KCNB2: variants seen among roughly 807,000 people sequenced by gnomAD.
KCNB2 encodes the protein potassium voltage-gated channel subfamily B member 2, also known as delayed rectifier potassium channel protein.
KCNB2 carries 15 observed loss-of-function variants against 61.5 expected under a neutral mutation model. The observed-to-expected ratio is 0.24, with a 90% CI of 0.16 to 0.38. The LOEUF (loss-of-function observed/expected upper bound fraction) is 0.38, where lower values mean the gene tolerates loss of function less well. Among genes scored for constraint, KCNB2 ranks in the 10% least tolerant of loss-of-function variants. KCNB2 has a pLI of 1.00. For synonymous variants in KCNB2, 457 were observed against 446.0 expected, an observed-to-expected ratio of 1.02 and a Z score of -0.31; for missense variants, 828 against 1,125.2, an observed-to-expected ratio of 0.74 and a Z score of 3.78.
intron 2 of KCNB2, among the ~76,000 whole-genome samples, chr8:72,623,491 A>T (rs1037499246): frequency 6.6e-6 from 1 of 152,176 alleles, no homozygotes; most frequent in African/African-American, 2.4e-5. Context: ...GTTTGTTCTG[A>T]TAGAAGACTT....
chr8:72,615,292 T>G (rs755790743), intron 2 of KCNB2, among the ~76,000 whole-genome samples: 3 of 152,214 alleles, frequency 2.0e-5, no homozygotes, highest in Non-Finnish European at 4.4e-5. Flanking sequence ...AGATGTTGTG[T>G]GTGAAAGCAC....
chr8:72,650,409 G>T (rs1171155203), intron 2 of KCNB2, among the ~76,000 whole-genome samples: 2 of 152,114 alleles, frequency 1.3e-5, no homozygotes, highest in Non-Finnish European at 2.9e-5. Context: ...AAAAGAGACA[G>T]GAAATGACAT....
intron 2 of KCNB2, among the ~76,000 whole-genome samples, chr8:72,687,899 T>C (rs1806877178): frequency 6.6e-6 from 1 of 152,156 alleles, no homozygotes; most frequent in Non-Finnish European, 1.5e-5. Context: ...TCTCTCAGCC[T>C]AGGCAAAAGC....
intron 2 of KCNB2, among the ~76,000 whole-genome samples, chr8:72,645,762 A>G (rs891895449): frequency 3.6e-4 from 55 of 152,142 alleles, no homozygotes; most frequent in Non-Finnish European, 1.2e-4. Flanking sequence ...TTAGGATGAA[A>G]CTTCAAATGG....
At chr8:72,553,764 T>C (rs1380600152) in intron 1 of KCNB2, among the ~76,000 whole-genome samples, 2 of 152,168 alleles carry the variant, frequency 1.3e-5, no homozygotes, top group African/African-American at 2.4e-5. Flanking sequence ...TAAACATCTA[T>C]ATGAAGCTAA....
intron 2 of KCNB2, among the ~76,000 whole-genome samples, chr8:72,666,465 T>C (rs927691554): frequency 6.6e-6 from 1 of 152,200 alleles, no homozygotes; most frequent in African/African-American, 2.4e-5. Flanking sequence ...CACTTTTGAG[T>C]ACATTATCAA....
At chr8:72,881,643 AG>A (rs1198003021) in intron 2 of KCNB2, 10 of 150,256 alleles carry the variant, frequency 6.7e-5, no homozygotes, top group Non-Finnish European at 1.3e-4. Context: ...TAGACAGAAA[AG>A]TACTATCAGA....
At chr8:72,781,624 T>C (rs1808756494) in intron 2 of KCNB2, among the ~76,000 whole-genome samples, 1 of 152,202 alleles carries the variant, frequency 6.6e-6, no homozygotes, top group Admixed American at 6.5e-5. Context: ...CCTTGTAGTA[T>C]AGTTTGAAGT....
At chr8:72,574,884 C>A (rs1019721718) in intron 2 of KCNB2, among the ~76,000 whole-genome samples, 1 of 151,910 alleles carries the variant, frequency 6.6e-6, no homozygotes, top group East Asian at 1.9e-4. Flanking sequence ...TTTAGGTAAG[C>A]GTAAGTGTTA....
intron 2 of KCNB2, among the ~76,000 whole-genome samples, chr8:72,852,018 T>C (rs994497003): frequency 1.3e-5 from 2 of 151,760 alleles, no homozygotes; most frequent in African/African-American, 4.8e-5. Context: ...GGTGATCACT[T>C]GAGCCCAGGA....
chr8:72,883,840 T>C (rs982111131), intron 2 of KCNB2, among the ~76,000 whole-genome samples: 2 of 152,218 alleles, frequency 1.3e-5, no homozygotes, highest in Non-Finnish European at 2.9e-5. Context: ...TTGATGGACA[T>C]ATAAATTGTT....
intron 2 of KCNB2, among the ~76,000 whole-genome samples, chr8:72,686,350 T>C (rs935251192): frequency 6.6e-6 from 1 of 152,096 alleles, no homozygotes; most frequent in Non-Finnish European, 1.5e-5. Flanking sequence ...TCATCCTTTT[T>C]TGGATATTTT....
intron 2 of KCNB2, among the ~76,000 whole-genome samples, chr8:72,579,226 A>G (rs1468863064): frequency 6.6e-6 from 1 of 152,160 alleles, no homozygotes; most frequent in Admixed American, 6.5e-5. Flanking sequence ...TGTTTGGGTT[A>G]TACTTTACTG....
intron 2 of KCNB2, among the ~76,000 whole-genome samples, chr8:72,598,637 A>T (rs1444638273): frequency 6.6e-6 from 1 of 152,216 alleles, no homozygotes; most frequent in Non-Finnish European, 1.5e-5. Context: ...AGGGCATTCA[A>T]TTAGGAAAAG....
intron 2 of KCNB2, among the ~76,000 whole-genome samples, chr8:72,648,126 T>A (rs1403177399): frequency 6.6e-6 from 1 of 152,190 alleles, no homozygotes; most frequent in African/African-American, 2.4e-5. Flanking sequence ...CTTCTCCTAG[T>A]GCAGAGGTGT....
chr8:72,647,957 A>G (rs1217475736), intron 2 of KCNB2, among the ~76,000 whole-genome samples: 2 of 152,168 alleles, frequency 1.3e-5, no homozygotes, highest in African/African-American at 4.8e-5. Flanking sequence ...CACAATTCAA[A>G]GTCCTTTTTA....
intron 2 of KCNB2, among the ~76,000 whole-genome samples, chr8:72,572,632 G>GC (rs1382613677): frequency 2.0e-5 from 3 of 151,422 alleles, no homozygotes; most frequent in African/African-American, 7.3e-5. Context: ...CATATCTTGT[G>GC]CCCCTCGGGA....
chr8:72,694,775 C>CT (rs1400163575), intron 2 of KCNB2, among the ~76,000 whole-genome samples: 2 of 151,540 alleles, frequency 1.3e-5, no homozygotes, highest in Non-Finnish European at 2.9e-5. Context: ...GTATGGCCAT[C>CT]TTTTTCTCAT....
In KCNB2 at chr8:72,882,197, G is replaced by A. The variant is rs182555289; in HGVS notation, c.580-53738G>A. Among the ~76,000 whole-genome samples, 4 of 152,222 alleles carry A rather than the reference G, an allele frequency of 2.6e-5. No individual in the cohort carries two copies. The East Asian group carries it at 7.7e-4, about 29-fold the overall frequency. ...GATACCACCAGCACCTCCACACGGG[G>A]GTGGTTTTTCGGGTGAAACAGTGCA... On this transcript the variant is annotated intron_variant, in intron 2 of 2. Transcript: ENST00000523207.
Sources: allele counts gnomAD v4.1 joint callset (sites outside exome capture counted in the v4.1 genomes callset), GRCh38; gene constraint gnomAD v4.1.1; transcripts MANE v1.5; gene names NCBI Gene and HGNC (gene_info 2026-07-23, HGNC 2026-07-21).